QTMAN: variants seen among roughly 807,000 people sequenced by gnomAD.
The protein encoded by QTMAN is queuosine-tRNA mannosyltransferase, also known as tRNA-queuosine alpha-mannosyltransferase.
At chr2:144,104,286 G>T in the QTMAN span, among the ~76,000 whole-genome samples, 1 of 152,136 alleles carries the variant, frequency 6.6e-6, no homozygotes, top group Non-Finnish European at 1.5e-5. Flanking sequence ...AGCCCACCAA[G>T]CATGAGCCGA....
At chr2:144,038,939 T>C in the QTMAN span, among the ~76,000 whole-genome samples, 4 of 152,182 alleles carry the variant, frequency 2.6e-5, no homozygotes, top group African/African-American at 9.7e-5. Context: ...TGCTGGCTTT[T>C]ATGTACATTT....
At chr2:143,955,062 C>T in the QTMAN span, among the ~76,000 whole-genome samples, 65 of 152,206 alleles carry the variant, frequency 4.3e-4, no homozygotes, top group East Asian at 3.9e-4. Flanking sequence ...GGCTCTCAGT[C>T]GCATTATCTA....
chr2:143,948,458 T>C, the QTMAN span, among the ~76,000 whole-genome samples: 10 of 152,132 alleles, frequency 6.6e-5, no homozygotes, highest in African/African-American at 2.2e-4. Flanking sequence ...AACCAGAGAA[T>C]ACCATTCAAT....
the QTMAN span, among the ~76,000 whole-genome samples, chr2:144,318,165 A>G: frequency 2.7e-5 from 4 of 150,882 alleles, no homozygotes; most frequent in African/African-American, 9.8e-5. Flanking sequence ...TCTATAAGGT[A>G]AAAAGGTGCC....
chr2:144,276,358 ATTATTT>A, the QTMAN span, among the ~76,000 whole-genome samples: 3 of 151,560 alleles, frequency 2.0e-5, no homozygotes, highest in Non-Finnish European at 4.4e-5. Context: ...AAAACTCAGT[ATTATTT>A]TTATTTTTAT....
the QTMAN span, among the ~76,000 whole-genome samples, chr2:144,158,518 A>G: frequency 6.6e-6 from 1 of 151,946 alleles, no homozygotes; most frequent in African/African-American, 2.4e-5. Context: ...ATCAGCATAC[A>G]TGAGGCTAAA....
chr2:144,024,016 A>T, the QTMAN span, among the ~76,000 whole-genome samples: 2 of 152,370 alleles, frequency 1.3e-5, no homozygotes, highest in South Asian at 4.1e-4. Flanking sequence ...CTGAGTCCTC[A>T]TAGTGTCAAA....
chr2:143,946,697 A>T, the QTMAN span: 1 of 211,336 alleles, frequency 4.7e-6, no homozygotes. Flanking sequence ...AAGGATAAAA[A>T]CGGATTCAAC....
the QTMAN span, chr2:143,944,029 C>T: frequency 5.9e-5 from 9 of 151,454 alleles, no homozygotes; most frequent in South Asian, 2.1e-4. Flanking sequence ...AAAAAACAAT[C>T]GAGTGTTAAA....
chr2:144,008,119 G>A, the QTMAN span, among the ~76,000 whole-genome samples: 1 of 151,806 alleles, frequency 6.6e-6, no homozygotes, highest in Admixed American at 6.6e-5. Flanking sequence ...GTTACTTATC[G>A]ATAGAGAATC....
the QTMAN span, chr2:144,178,462 A>G: frequency 1.3e-5 from 2 of 152,180 alleles, no homozygotes; most frequent in Non-Finnish European, 2.9e-5. Flanking sequence ...CACCCATGAA[A>G]ATGCAGGTTG....
the QTMAN span, among the ~76,000 whole-genome samples, chr2:144,149,888 ATACC>A: frequency 6.6e-6 from 1 of 152,090 alleles, no homozygotes; most frequent in Non-Finnish European, 1.5e-5. Context: ...AAGCTGAAAT[ATACC>A]TAAGGGCAGT....
At chr2:144,201,209 C>A in the QTMAN span, among the ~76,000 whole-genome samples, 1 of 152,106 alleles carries the variant, frequency 6.6e-6, no homozygotes, top group Admixed American at 6.6e-5. Flanking sequence ...CAGGAAAGGA[C>A]TCTCTGAAAT....
the QTMAN span, among the ~76,000 whole-genome samples, chr2:144,144,965 CTT>C: frequency 6.6e-6 from 1 of 151,164 alleles, no homozygotes; most frequent in Non-Finnish European, 1.5e-5. Flanking sequence ...AGGAGATACA[CTT>C]TGTCGAAGTA....
chr2:144,234,708 T>C, the QTMAN span, among the ~76,000 whole-genome samples: 3 of 152,296 alleles, frequency 2.0e-5, no homozygotes, highest in South Asian at 6.2e-4. Context: ...TCAGATGTTA[T>C]ACATGGAGAC....
chr2:144,099,785 T>C, the QTMAN span, among the ~76,000 whole-genome samples: 1 of 152,194 alleles, frequency 6.6e-6, no homozygotes, highest in Admixed American at 6.5e-5. Context: ...ATCTTATGAT[T>C]CTTCAATAAA....
chr2:144,190,131 T>C, the QTMAN span, among the ~76,000 whole-genome samples: 1 of 152,220 alleles, frequency 6.6e-6, no homozygotes, highest in Non-Finnish European at 1.5e-5. Flanking sequence ...ATGAATGGAA[T>C]GTCTAGAATT....
chr2:144,065,401 A>C, the QTMAN span, among the ~76,000 whole-genome samples: 1 of 152,210 alleles, frequency 6.6e-6, no homozygotes, highest in African/African-American at 2.4e-5. Flanking sequence ...ACTGCATTAA[A>C]GGGCTCCCTT....
chr2:144,066,273 T>C, the QTMAN span, among the ~76,000 whole-genome samples: 1 of 152,162 alleles, frequency 6.6e-6, no homozygotes, highest in Admixed American at 6.5e-5. Context: ...GACTACATAC[T>C]AGGATATCAT....
Sources: gnomAD v4.1 joint callset for allele counts (sites outside exome capture counted in the v4.1 genomes callset) on GRCh38, gnomAD v4.1.1 for gene constraint, MANE v1.5 for transcripts, NCBI Gene and HGNC (gene_info 2026-07-23, HGNC 2026-07-21) for gene names.